The following GABRA4 variants were observed in gnomAD, a reference collection of about 807,000 sequenced individuals.
GABRA4 encodes gamma-aminobutyric acid type A receptor subunit alpha4.
GABRA4 carries 12 observed loss-of-function variants against 49.7 expected under a neutral mutation model. The ratio of observed to expected loss-of-function variants is 0.24; its 90% CI spans 0.15 to 0.39. The LOEUF is 0.39. Ranked by LOEUF, GABRA4 falls within the 10% of genes least tolerant of loss-of-function variation. GABRA4 has a pLI of 1.00. For synonymous variants in GABRA4, 288 were observed against 240.2 expected (o/e 1.20, Z -1.84); for missense variants, 506 against 686.0 (o/e 0.74, Z 2.93).
intron 8 of GABRA4, among the ~76,000 whole-genome samples, chr4:46,950,829 C>T (rs368984206): frequency 3.9e-5 from 6 of 151,922 alleles, no homozygotes; most frequent in African/African-American, 1.4e-4. Context: ...GTTTTTACTC[C>T]TTCAAAGCAA....
intron 8 of GABRA4, among the ~76,000 whole-genome samples, chr4:46,956,013 C>G (rs530410054): frequency 6.6e-6 from 1 of 152,156 alleles, no homozygotes; most frequent in African/African-American, 2.4e-5. Flanking sequence ...TATCATTTCT[C>G]TACATATGAA....
rs550641669 is a variant in GABRA4, at chr4:46,928,375, T to C, written c.1515A>G (p.Pro505=). ...CAGATCCAGAAGGTGGTGGAGCCGA[T>C]GGAGGAGGAGTAGCTGACAACTTCC... ...ATGKLSATPP[P]SAPPPSGSGT... The change falls in exon 9 of 9, where the codon CCA becomes CCG. Residue 505 remains proline (P), a synonymous_variant. Transcript: ENST00000264318. 2 of 1,613,668 alleles carry C rather than the reference T, an allele frequency of 1.2e-6. No individual in the cohort carries two copies. Among genetic ancestry groups the C allele is most frequent in the South Asian group, 2.2e-5 (2 of 91,072 alleles).
Position 46,925,270 on chromosome 4 carries a change from G to T in GABRA4, c.*2955C>A, listed in dbSNP as rs973051483. 3.3e-5 allele frequency: 5 copies of T among 151,990 alleles called. No homozygotes were observed. The highest frequency in any genetic ancestry group is 3.3e-4 in the Admixed American group (5 of 15,242). 9.4% of individuals were successfully genotyped at this position (151,990 alleles called of 1,614,324 possible). On this transcript the variant is annotated 3_prime_UTR_variant, in exon 9 of 9. Transcript: ENST00000264318. ...CTACCTACTTTAATACAAGATTTGT[G>T]AGGTCCAATTTAAAATATACATTAT...
At chr4:46,948,141 T>C (rs1474958980) in intron 8 of GABRA4, among the ~76,000 whole-genome samples, 5 of 152,146 alleles carry the variant, frequency 3.3e-5, no homozygotes, top group African/African-American at 4.8e-5. Context: ...CTAATGTCTC[T>C]ATTTTCACAG....
chr4:46,947,421 C>T (rs1196695653), intron 8 of GABRA4, among the ~76,000 whole-genome samples: 7 of 151,866 alleles, frequency 4.6e-5, no homozygotes. Context: ...AAGTAAAGGT[C>T]CAATTAAATC....
Position 46,925,502 on chromosome 4 carries a change from A to G in GABRA4, c.*2723T>C, listed in dbSNP as rs1202415635. On this transcript the variant is annotated 3_prime_UTR_variant, in exon 9 of 9. Coordinates refer to ENST00000264318, the MANE Select transcript of GABRA4 (RefSeq NM_000809.4). ...AGAGTTATATAAAGGTACCATTCTC[A>G]GCCAAAATTATTCATTATTATTCAT... is the stretch of plus-strand genomic sequence containing the variant. 3 of 151,746 alleles carry G rather than the reference A, an allele frequency of 2.0e-5. No individual in the cohort carries two copies. Among genetic ancestry groups the G allele is most frequent in the African/African-American group, 7.2e-5 (3 of 41,398 alleles). The allele number at this position is 151,746 out of a possible 1,614,324, so 9.4% of individuals were successfully genotyped here.
intron 8 of GABRA4, among the ~76,000 whole-genome samples, chr4:46,940,599 T>G (rs1037555117): frequency 3.9e-5 from 6 of 152,148 alleles, no homozygotes; most frequent in African/African-American, 1.4e-4. Context: ...TATGTTGAAT[T>G]AGCCTATTAA....
intron 8 of GABRA4, among the ~76,000 whole-genome samples, chr4:46,955,940 C>A (rs1722345426): frequency 6.6e-6 from 1 of 152,098 alleles, no homozygotes; most frequent in African/African-American, 2.4e-5. Flanking sequence ...CAGGTGACTT[C>A]ACAATAGTTG....
At chr4:46,972,408 TTTATC>T (rs1268771271) in intron 6 of GABRA4, among the ~76,000 whole-genome samples, 2 of 151,570 alleles carry the variant, frequency 1.3e-5, no homozygotes, top group Non-Finnish European at 3.0e-5. Context: ...AAATTTCTAT[TTTATC>T]TTATTTATGT....
Position 46,974,393 on chromosome 4 carries a change from A to C in GABRA4, c.578-18T>G. ...ATAGGCATCTAAAAGAGAGCACAGAATGTGGTTAGAGTCAATGCTCCTTTT... is the reference window on the plus strand; with the variant it reads ...ATAGGCATCTAAAAGAGAGCACAGACTGTGGTTAGAGTCAATGCTCCTTTT... On this transcript the variant is annotated intron_variant, in intron 5 of 8. Transcript: ENST00000264318. The C allele has an allele frequency of 6.2e-7, 1 of 1,603,550 alleles. No homozygotes were observed. The highest frequency in any genetic ancestry group is 2.2e-5 in the East Asian group (1 of 44,614).
chr4:46,993,493 G>A lies in GABRA4; in HGVS notation c.-69C>T. On this transcript the variant is annotated 5_prime_UTR_variant, in exon 1 of 9. Coordinates refer to ENST00000264318, the MANE Select transcript of GABRA4 (RefSeq NM_000809.4). ...TCTTCAGATGCCCTGAGCAGGGTGC[G>A]AGGAGAGGGCAGAGAGGCTCCCGCG... is the stretch of plus-strand genomic sequence containing the variant. The A allele has an allele frequency of 6.6e-7, 1 of 1,523,114 alleles. No homozygotes were observed. The highest frequency in any genetic ancestry group is 9.1e-7 in the Non-Finnish European group (1 of 1,099,472). 94.3% of individuals were successfully genotyped at this position (1,523,114 alleles called of 1,614,324 possible). A position where few individuals can be genotyped will look rare whatever the true frequency, so the allele number is the denominator to read the frequency against.
rs1411396829 is a variant in GABRA4 at position 46,927,349 on chromosome 4, C to T, written c.*876G>A. 1 of 152,406 alleles carries T rather than the reference C, an allele frequency of 6.6e-6. No individual in the cohort carries two copies. Among genetic ancestry groups the T allele is most frequent in the Non-Finnish European group, 1.5e-5 (1 of 67,966 alleles). 9.4% of individuals were successfully genotyped at this position (152,406 alleles called of 1,614,324 possible). The stretch of plus-strand genomic sequence containing the variant: ...AATATTTTGAATATGTTGTCAGACT[C>T]TAAATAAATGTCCTTCACTAAAGAA... On this transcript the variant is annotated 3_prime_UTR_variant, in exon 9 of 9. Transcript: ENST00000264318.
At chr4:46,929,837 A>T (rs115341547) in intron 8 of GABRA4, among the ~76,000 whole-genome samples, 2 of 152,192 alleles carry the variant, frequency 1.3e-5, no homozygotes, top group Non-Finnish European at 2.9e-5. Context: ...TGGTGAGTGA[A>T]AAAATGGAGA....
At chr4:46,962,281 T>C (rs1163057642) in intron 8 of GABRA4, among the ~76,000 whole-genome samples, 2 of 147,526 alleles carry the variant, frequency 1.4e-5, no homozygotes, top group Admixed American at 6.9e-5. Flanking sequence ...AAAATTAATA[T>C]ACAAAAATCA....
intron 7 of GABRA4, among the ~76,000 whole-genome samples, chr4:46,965,820 T>C (rs1722733204): frequency 1.3e-5 from 2 of 151,854 alleles, no homozygotes; most frequent in African/African-American, 4.8e-5. Context: ...ATTAAAATAC[T>C]AAATTTACTA....
At chr4:46,936,316 C>A (rs1400391908) in intron 8 of GABRA4, among the ~76,000 whole-genome samples, 1 of 152,166 alleles carries the variant, frequency 6.6e-6, no homozygotes, top group African/African-American at 2.4e-5. Flanking sequence ...ATGGCGTAAT[C>A]TTGGCTCACC....
chr4:46,975,695 A>G (rs1723117898), intron 5 of GABRA4, among the ~76,000 whole-genome samples: 1 of 151,940 alleles, frequency 6.6e-6, no homozygotes, highest in South Asian at 2.1e-4. Context: ...GTCCTTCTGA[A>G]GAGAGCTTTT....
chr4:46,976,165 A>G (rs1246439593), intron 5 of GABRA4, among the ~76,000 whole-genome samples: 1 of 151,656 alleles, frequency 6.6e-6, no homozygotes. Context: ...AAGGAATCTC[A>G]TATTGTTTTC....
chr4:46,922,411 G>A lies in GABRA4; in HGVS notation c.*5814C>T, dbSNP rs146115922. 1.3e-5 allele frequency: 2 copies of A among 152,162 alleles called. No homozygotes were observed. The highest frequency in any genetic ancestry group is 3.9e-4 in the East Asian group (2 of 5,160). 9.4% of individuals were successfully genotyped at this position (152,162 alleles called of 1,614,324 possible). A position where few individuals can be genotyped will look rare whatever the true frequency, so the allele number is the denominator to read the frequency against. ...TTCCCACACTGTAGTTCAGTAAATA[G>A]CTGGCTCTGCTCAGTGATTAATAGA... On this transcript the variant is annotated 3_prime_UTR_variant, in exon 9 of 9. Coordinates refer to ENST00000264318, the MANE Select transcript of GABRA4 (RefSeq NM_000809.4).
Sources: allele counts gnomAD v4.1 joint callset (sites outside exome capture counted in the v4.1 genomes callset), GRCh38; gene constraint gnomAD v4.1.1; transcripts MANE v1.5; gene names NCBI Gene and HGNC (gene_info 2026-07-23, HGNC 2026-07-21).